The following WDPCP variants were observed in gnomAD, a reference collection of about 807,000 sequenced individuals.
WDPCP encodes WD repeat containing planar cell polarity effector.
A neutral mutation model predicts 93.1 loss-of-function variants in WDPCP; 71 were observed. The ratio of observed to expected loss-of-function variants is 0.76; its 90% CI spans 0.63 to 0.93. The LOEUF is 0.93. WDPCP is among the 40% of genes least tolerant of loss of function. The pLI is 0.00. For missense variants in WDPCP, 844 were observed against 887.4 expected (o/e 0.95, Z 0.62); for synonymous variants, 315 against 315.0 (o/e 1.00, Z 0.00).
At chr2:63,466,370 T>A (rs1298468989) in intron 6 of WDPCP, among the ~76,000 whole-genome samples, 1 of 152,210 alleles carries the variant, frequency 6.6e-6, no homozygotes, top group Non-Finnish European at 1.5e-5. Context: ...GTACCTTATG[T>A]GTTTTCTCTA....
rs893339705 is a variant in WDPCP at position 63,121,931 on chromosome 2, C to T, written c.*75G>A. ...TACTGTCTCTTGTTAAAAATCCACA[C>T]GGGGGATTTTAAGTCTGTATCAGGC... On this transcript the variant is annotated 3_prime_UTR_variant, in exon 18 of 18. Coordinates refer to ENST00000272321, the MANE Select transcript of WDPCP (RefSeq NM_015910.7). The T allele has an allele frequency of 2.3e-5, 36 of 1,595,454 alleles. No individual in the cohort carries two copies. The highest frequency in any genetic ancestry group is 1.5e-4 in the African/African-American group (11 of 73,820).
chr2:63,643,463 C>A, intron 3 of WDPCP: 1 of 341,252 alleles, frequency 2.9e-6, no homozygotes, highest in South Asian at 2.6e-5. Context: ...GGATGTCTCT[C>A]CCTGGTTATC....
chr2:63,486,367 T>C (rs1700575103), intron 4 of WDPCP, among the ~76,000 whole-genome samples, 175 bp downstream of exon 4: 1 of 151,900 alleles, frequency 6.6e-6, no homozygotes, highest in African/African-American at 2.4e-5. Flanking sequence ...ATTTCAACGA[T>C]CTAAATTAGA....
intron 14 of WDPCP, among the ~76,000 whole-genome samples, chr2:63,201,657 G>A (rs1420954311): frequency 2.6e-5 from 4 of 152,064 alleles, no homozygotes; most frequent in Non-Finnish European, 5.9e-5. Flanking sequence ...TAAACTTTTT[G>A]AGCCAGGACT....
rs958078087 is a variant in WDPCP at position 63,327,499 on chromosome 2, A to G, written c.1749-14188T>C. 6.6e-5 allele frequency among the ~76,000 whole-genome samples: 10 copies of G among 152,248 alleles called. No homozygotes were observed. The South Asian group carries it at 1.9e-3, about 28-fold the overall frequency. On this transcript the variant is annotated intron_variant, in intron 12 of 17. Transcript: ENST00000272321. ...AATCTATCCTTACTCTACAATCCCA[A>G]ATAGACTCTGGCAGCAGTGACTCTC...
chr2:63,368,074 T>C (rs1300009031), intron 12 of WDPCP, among the ~76,000 whole-genome samples: 2 of 152,106 alleles, frequency 1.3e-5, no homozygotes, highest in Non-Finnish European at 2.9e-5. Flanking sequence ...TGTAATGAGA[T>C]AGAGAATAAG....
chr2:63,183,836 T>C (rs995954521), intron 14 of WDPCP, among the ~76,000 whole-genome samples: 3 of 152,162 alleles, frequency 2.0e-5, no homozygotes, highest in African/African-American at 7.2e-5. Flanking sequence ...AGGATTTTTA[T>C]GTCCTTTTGT....
chr2:63,620,801 G>A (rs961581469), intron 3 of WDPCP, among the ~76,000 whole-genome samples: 1 of 152,184 alleles, frequency 6.6e-6, no homozygotes, highest in East Asian at 1.9e-4. Flanking sequence ...GCCCCTCTGG[G>A]ACAAAGCTTC....
intron 2 of WDPCP, among the ~76,000 whole-genome samples, chr2:63,758,999 T>C (rs1180124266): frequency 3.3e-5 from 5 of 151,728 alleles, no homozygotes; most frequent in African/African-American, 1.2e-4. Flanking sequence ...CAGGCTGGCC[T>C]CAAACTCCTG....
chr2:63,491,203 T>C, intron 2 of WDPCP, among the ~76,000 whole-genome samples: 1 of 152,196 alleles, frequency 6.6e-6, no homozygotes, highest in East Asian at 1.9e-4. Context: ...TAGGTCTCTG[T>C]TGTACTTTTT....
intron 1 of WDPCP, among the ~76,000 whole-genome samples, chr2:63,541,653 T>G (rs1188268037): frequency 6.6e-6 from 1 of 152,180 alleles, no homozygotes; most frequent in African/African-American, 2.4e-5. Context: ...TATCAATAAA[T>G]GCATTATTTA....
chr2:63,504,388 T>A (rs988026918), intron 1 of WDPCP, among the ~76,000 whole-genome samples: 3 of 150,380 alleles, frequency 2.0e-5, no homozygotes, highest in Non-Finnish European at 4.4e-5. Flanking sequence ...ATTCACATAT[T>A]CTTAAAAATA....
At chr2:63,722,961 G>T (rs1017606859) in intron 2 of WDPCP, among the ~76,000 whole-genome samples, 14 of 152,140 alleles carry the variant, frequency 9.2e-5, no homozygotes, top group Admixed American at 3.9e-4. Context: ...TCTGCCTTGG[G>T]ATCCTGTTGA....
chr2:63,236,178 A>C (rs1292925417), intron 14 of WDPCP, among the ~76,000 whole-genome samples: 3 of 152,176 alleles, frequency 2.0e-5, no homozygotes, highest in Non-Finnish European at 4.4e-5. Context: ...CCATTTCTAT[A>C]TCCCAATAAC....
At chr2:63,804,518 G>C (rs181335537) in intron 2 of WDPCP, among the ~76,000 whole-genome samples, 3 of 151,096 alleles carry the variant, frequency 2.0e-5, no homozygotes, top group African/African-American at 7.3e-5. Context: ...GCCTCCCAAA[G>C]TGCTGGGATT....
chr2:63,162,223 G>A (rs928514058), intron 15 of WDPCP, among the ~76,000 whole-genome samples: 1 of 151,946 alleles, frequency 6.6e-6, no homozygotes. Flanking sequence ...TCAGAAAGAG[G>A]ACCATTTTTT....
intron 17 of WDPCP, among the ~76,000 whole-genome samples, chr2:63,142,857 T>C (rs1383126126): frequency 2.7e-5 from 4 of 150,814 alleles, no homozygotes; most frequent in East Asian, 4.0e-4. Flanking sequence ...TGTACACACA[T>C]ATATATACAC....
At chr2:63,433,117 T>C (rs189444908) in intron 9 of WDPCP, among the ~76,000 whole-genome samples, 4 of 152,262 alleles carry the variant, frequency 2.6e-5, no homozygotes, top group African/African-American at 9.6e-5. Flanking sequence ...TTCACATATA[T>C]GAATGGATGA....
At chr2:63,453,666 T>G (rs1273063529) in intron 6 of WDPCP, among the ~76,000 whole-genome samples, 1 of 152,090 alleles carries the variant, frequency 6.6e-6, no homozygotes, top group Admixed American at 6.6e-5. Flanking sequence ...GTGGCATTAT[T>G]CACAATAGCA....
Sources: allele counts gnomAD v4.1 joint callset (sites outside exome capture counted in the v4.1 genomes callset), GRCh38; gene constraint gnomAD v4.1.1; transcripts MANE v1.5; gene names NCBI Gene and HGNC (gene_info 2026-07-23, HGNC 2026-07-21).